Variants in ZNF667 observed in about 807,000 individuals in gnomAD.
The protein encoded by ZNF667 is zinc finger protein 667.
Under a neutral mutation model 31.8 loss-of-function variants are expected in ZNF667, and 13 were observed. The ratio of observed to expected loss-of-function variants is 0.41; its 90% confidence interval spans 0.27 to 0.65. ZNF667 has a LOEUF of 0.65. Among genes scored for constraint, ZNF667 ranks in the 30% least tolerant of loss-of-function variants. The pLI, the probability that ZNF667 is intolerant of heterozygous loss-of-function variation, is 0.32. For synonymous variants in ZNF667, 228 were observed against 247.1 expected (o/e 0.92, Z 0.73); for missense variants, 642 against 725.6 (o/e 0.88, Z 1.32).
chr19:56,468,746 T>C (rs1318460721), intron 3 of ZNF667: 4 of 152,240 alleles, frequency 2.6e-5, no homozygotes, highest in Non-Finnish European at 5.9e-5. Flanking sequence ...GGCTAAATAG[T>C]TATTTCTCAA....
At chr19:56,452,299 C>T (rs2042847544) in intron 6 of ZNF667, among the ~76,000 whole-genome samples, 1 of 152,096 alleles carries the variant, frequency 6.6e-6, no homozygotes, top group African/African-American at 2.4e-5. Context: ...ATCCGCCCAC[C>T]TCGGCCTCCC....
intron 6 of ZNF667, among the ~76,000 whole-genome samples, chr19:56,455,688 A>C (rs182531109): frequency 6.6e-6 from 1 of 152,198 alleles, no homozygotes; most frequent in Non-Finnish European, 1.5e-5. Context: ...CAATAAATAC[A>C]ATCTACTATT....
chr19:56,451,899 A>C (rs1007837967), intron 6 of ZNF667, among the ~76,000 whole-genome samples: 7 of 149,126 alleles, frequency 4.7e-5, no homozygotes, highest in Admixed American at 1.3e-4. Flanking sequence ...AAAAAAAAAA[A>C]CTTTCAAATT....
chr19:56,448,996 G>A (rs2042763320), intron 6 of ZNF667, among the ~76,000 whole-genome samples: 1 of 152,160 alleles, frequency 6.6e-6, no homozygotes, highest in African/African-American at 2.4e-5. Flanking sequence ...GGGAAAGTAA[G>A]GGAAAAGAAT....
rs75918576 is a variant in ZNF667 at position 56,470,743 on chromosome 19, C to T, written c.-60+956G>A. On this transcript the variant is annotated intron_variant, in intron 3 of 6. Coordinates refer to ENST00000504904, the MANE Select transcript of ZNF667 (RefSeq NM_001321356.2). ...TCATGTTAAGACTGAGGAGCGAGGGCTCGGTGACGAACTGAGCAGACTGGC... is the reference window on the plus strand; with the variant it reads ...TCATGTTAAGACTGAGGAGCGAGGGTTCGGTGACGAACTGAGCAGACTGGC... Among the ~76,000 whole-genome samples, 72 of 152,230 alleles carry T rather than the reference C, an allele frequency of 4.7e-4. 1 individual carries two copies. In the East Asian group the frequency reaches 7.3e-3, roughly 16 times the overall value.
rs1445241539 is a variant in ZNF667, at chr19:56,440,474, G to C, written c.*688C>G. 2 of 600,318 alleles carry C rather than the reference G, an allele frequency of 3.3e-6. No homozygotes were observed. The highest frequency in any genetic ancestry group is 4.0e-5 in the African/African-American group (2 of 49,478). The allele number at this position is 600,318 out of a possible 1,614,324, so 37.2% of individuals were successfully genotyped here. On this transcript the variant is annotated 3_prime_UTR_variant, in exon 7 of 7. Coordinates refer to ENST00000504904, the MANE Select transcript of ZNF667 (RefSeq NM_001321356.2). ...TGAAAGTGGCACCCTGTTTTGCCGAGAAGTTCCTTATATTTGATAATTCTA... is the reference window on the plus strand; with the variant it reads ...TGAAAGTGGCACCCTGTTTTGCCGACAAGTTCCTTATATTTGATAATTCTA...
intron 6 of ZNF667, chr19:56,443,988 T>C (rs1045564581): frequency 2.8e-6 from 1 of 357,592 alleles, no homozygotes; most frequent in African/African-American, 2.1e-5. Flanking sequence ...GTTTGAGGTA[T>C]ACTATGAGTA....
intron 6 of ZNF667, chr19:56,444,315 C>A (rs1306849633): frequency 1.8e-5 from 7 of 398,222 alleles, no homozygotes; most frequent in African/African-American, 1.4e-4. Context: ...TAGGAGAAGG[C>A]ACATCACATG....
intron 3 of ZNF667, 69 bp from the exon 4 acceptor site, chr19:56,462,498 C>T: frequency 1.1e-6 from 1 of 941,974 alleles, no homozygotes. Context: ...TGGAGACACA[C>T]ACACACACAG....
intron 6 of ZNF667, chr19:56,443,984 G>C (rs2042670391): frequency 2.8e-6 from 1 of 352,634 alleles, no homozygotes; most frequent in Non-Finnish European, 5.0e-6. Context: ...GCTGGTTTGA[G>C]GTATACTATG....
chr19:56,443,600 G>C (rs753828877), intron 6 of ZNF667, among the ~76,000 whole-genome samples: 57 of 152,246 alleles, frequency 3.7e-4, no homozygotes, highest in Middle Eastern at 6.8e-3. Flanking sequence ...AAAAGGTACA[G>C]TACAAATAAC....
At chr19:56,466,609 AGG>A (rs1328041424) in intron 3 of ZNF667, among the ~76,000 whole-genome samples, 1 of 152,176 alleles carries the variant, frequency 6.6e-6, no homozygotes, top group Non-Finnish European at 1.5e-5. Context: ...GTGAGTAGCT[AGG>A]CGCTCACAAG....
chr19:56,447,778 G>C (rs1436293404), intron 6 of ZNF667, among the ~76,000 whole-genome samples: 1 of 152,264 alleles, frequency 6.6e-6, no homozygotes, highest in East Asian at 1.9e-4. Context: ...CTACTCAGGA[G>C]GCTGGGGCAG....
chr19:56,467,077 AG>A lies in ZNF667; in HGVS notation c.-60+4621del, dbSNP rs536533616. ...TTCCAGCAACACTCACTGGGCAAGA[AG>A]GGGCGGGGTCCCATGCAGGTGAGCC... is the stretch of plus-strand genomic sequence containing the variant. On this transcript the variant is annotated intron_variant, in intron 3 of 6. Transcript: ENST00000504904. 865 of 456,450 alleles carry A rather than the reference AG, an allele frequency of 1.9e-3. 4 individuals are homozygous for A. Among genetic ancestry groups the A allele is most frequent in the African/African-American group, 0.014 (712 of 50,156 alleles). The allele number at this position is 456,450 out of a possible 1,614,324, so 28.3% of individuals were successfully genotyped here.
intron 5 of ZNF667, among the ~76,000 whole-genome samples, chr19:56,459,874 C>T (rs1021720866): frequency 1.3e-5 from 2 of 152,080 alleles, no homozygotes; most frequent in African/African-American, 4.8e-5. Flanking sequence ...TGCCTGTAAT[C>T]CCAGCTACTC....
At chr19:56,447,288 A>C (rs1030222454) in intron 6 of ZNF667, among the ~76,000 whole-genome samples, 1 of 152,162 alleles carries the variant, frequency 6.6e-6, no homozygotes, top group Admixed American at 6.5e-5. Flanking sequence ...CTTACTATAC[A>C]AGCAGAAAAT....
At chr19:56,476,573 T>C (rs1249135846) in intron 1 of ZNF667, among the ~76,000 whole-genome samples, 3 of 152,186 alleles carry the variant, frequency 2.0e-5, no homozygotes, top group African/African-American at 7.2e-5. Context: ...ATCTTCCCAA[T>C]AACACCCAGG....
rs530835113 is a variant in ZNF667, at chr19:56,462,579, CCCT to C, written c.-59-153_-59-151del. On this transcript the variant is annotated intron_variant, in intron 3 of 6. Transcript: ENST00000504904. ...AGAACACCTGGCGCATTCCTGTCCCCCCTCACCTGCTCACGGTCAGGGAAGGGC... is the reference window on the plus strand; with the variant it reads ...AGAACACCTGGCGCATTCCTGTCCCCCACCTGCTCACGGTCAGGGAAGGGC... 1.4e-3 allele frequency: 888 copies of C among 621,700 alleles called. 19 individuals carry two copies. In the South Asian group the frequency reaches 0.016, roughly 11 times the overall value. 38.5% of individuals were successfully genotyped at this position (621,700 alleles called of 1,614,324 possible). A position where few individuals can be genotyped will look rare whatever the true frequency, so the allele number is the denominator to read the frequency against.
At chr19:56,470,168 TATCA>T (rs1265899995) in intron 3 of ZNF667, 5 of 389,838 alleles carry the variant, frequency 1.3e-5, no homozygotes, top group Non-Finnish European at 2.6e-5. Context: ...GATGAGATCA[TATCA>T]GTCAGTGCTC....
Sources: allele counts gnomAD v4.1 joint callset (sites outside exome capture counted in the v4.1 genomes callset), GRCh38; gene constraint gnomAD v4.1.1; transcripts MANE v1.5; gene names NCBI Gene and HGNC (gene_info 2026-07-23, HGNC 2026-07-21).